Variants in NTNG1 observed in about 807,000 individuals in gnomAD.
NTNG1 encodes the protein netrin-G1.
NTNG1 carries 16 observed loss-of-function variants against 54.0 expected under a neutral mutation model. That is an observed-to-expected ratio of 0.30 (90% CI 0.20 to 0.45). The LOEUF (loss-of-function observed/expected upper bound fraction) is 0.45, where lower values mean the gene tolerates loss of function less well. NTNG1 is among the 20% of genes least tolerant of loss of function. The pLI, the probability that NTNG1 is intolerant of heterozygous loss-of-function variation, is 1.00. For missense variants in NTNG1, 530 were observed against 678.7 expected (o/e 0.78, Z 2.43); for synonymous variants, 255 against 263.1 (o/e 0.97, Z 0.30).
chr1:107,425,769 G>T (rs183959108), intron 5 of NTNG1, among the ~76,000 whole-genome samples: 116 of 152,064 alleles, frequency 7.6e-4, no homozygotes, highest in African/African-American at 2.6e-3. Context: ...GTTTCCCATG[G>T]AGCTTGATCT....
intron 2 of NTNG1, among the ~76,000 whole-genome samples, chr1:107,236,758 A>G (rs1163939820): frequency 2.0e-5 from 3 of 151,932 alleles, no homozygotes; most frequent in Non-Finnish European, 4.4e-5. Context: ...TCCCTGCCCA[A>G]TATTTTTTTT....
chr1:107,271,631 A>G (rs183864849), intron 2 of NTNG1, among the ~76,000 whole-genome samples: 5 of 152,322 alleles, frequency 3.3e-5, no homozygotes, highest in Admixed American at 2.6e-4. Flanking sequence ...TTTGCTGTAG[A>G]TGGATACTTC....
chr1:107,389,363 G>A lies in NTNG1; in HGVS notation c.888-5791G>A, dbSNP rs939601425. Among the ~76,000 whole-genome samples, 10 of 152,158 alleles carry A rather than the reference G, an allele frequency of 6.6e-5. No homozygotes were observed. In the South Asian group the frequency reaches 8.3e-4, roughly 13 times the overall value. On this transcript the variant is annotated intron_variant, in intron 3 of 7. Coordinates refer to ENST00000370068, the MANE Select transcript of NTNG1 (RefSeq NM_001113226.3). ...ATTAGTAATAGGCTATATGGACCTC[G>A]AGCTCACAGGAAATTCTGGCAGATA...
chr1:107,430,364 A>G (rs767271372), intron 5 of NTNG1, among the ~76,000 whole-genome samples: 1 of 152,138 alleles, frequency 6.6e-6, no homozygotes, highest in Non-Finnish European at 1.5e-5. Flanking sequence ...TTAAGGCTGA[A>G]AAGATGAAAA....
chr1:107,337,553 A>G (rs1349566670), intron 3 of NTNG1, among the ~76,000 whole-genome samples: 1 of 152,058 alleles, frequency 6.6e-6, no homozygotes, highest in Non-Finnish European at 1.5e-5. Flanking sequence ...TGGTTGCACA[A>G]CAATGTGAAA....
chr1:107,291,513 G>A (rs930429885), intron 2 of NTNG1, among the ~76,000 whole-genome samples: 1 of 152,140 alleles, frequency 6.6e-6, no homozygotes, highest in African/African-American at 2.4e-5. Flanking sequence ...AGACAAATAT[G>A]TATGTGTGTA....
chr1:107,365,540 A>G (rs1670545816), intron 3 of NTNG1, among the ~76,000 whole-genome samples: 1 of 152,228 alleles, frequency 6.6e-6, no homozygotes, highest in African/African-American at 2.4e-5. Flanking sequence ...ATTTTTATAT[A>G]TGCAATTTTA....
chr1:107,424,177 A>T (rs1167194535), intron 5 of NTNG1, among the ~76,000 whole-genome samples: 3 of 152,138 alleles, frequency 2.0e-5, no homozygotes, highest in Admixed American at 2.0e-4. Context: ...ATCTCAGATT[A>T]AATGGTCAGA....
chr1:107,334,025 G>T (rs1202002612), intron 3 of NTNG1: 1 of 151,896 alleles, frequency 6.6e-6, no homozygotes, highest in Non-Finnish European at 1.5e-5. Flanking sequence ...GGTGTATTTT[G>T]TAGATAAATA....
intron 3 of NTNG1, among the ~76,000 whole-genome samples, chr1:107,354,206 C>T (rs1669800819): frequency 6.6e-6 from 1 of 152,042 alleles, no homozygotes; most frequent in African/African-American, 2.4e-5. Context: ...CATGGTGGCT[C>T]ATGCCTGTAA....
At chr1:107,335,685 CATT>C (rs1668534450) in intron 3 of NTNG1, among the ~76,000 whole-genome samples, 1 of 151,502 alleles carries the variant, frequency 6.6e-6, no homozygotes, top group Admixed American at 6.6e-5. Flanking sequence ...TCATTTTACT[CATT>C]GTATCGTCAG....
chr1:107,336,867 A>G (rs1007647253), intron 3 of NTNG1, among the ~76,000 whole-genome samples: 1 of 152,048 alleles, frequency 6.6e-6, no homozygotes, highest in Non-Finnish European at 1.5e-5. Context: ...AACATAGGCA[A>G]AGATGCTCAA....
chr1:107,296,114 G>C (rs1275527538), intron 2 of NTNG1, among the ~76,000 whole-genome samples: 2 of 152,000 alleles, frequency 1.3e-5, no homozygotes, highest in Non-Finnish European at 2.9e-5. Flanking sequence ...AGCCTTTCAC[G>C]GATTTGACTA....
intron 2 of NTNG1, among the ~76,000 whole-genome samples, chr1:107,227,709 C>T (rs1303757124): frequency 6.6e-6 from 1 of 152,074 alleles, no homozygotes; most frequent in Non-Finnish European, 1.5e-5. Flanking sequence ...CATACACACA[C>T]ACACACACAG....
At chr1:107,411,781 C>T (rs1286935766) in intron 5 of NTNG1, among the ~76,000 whole-genome samples, 3 of 152,062 alleles carry the variant, frequency 2.0e-5, no homozygotes, top group African/African-American at 4.8e-5. Flanking sequence ...AGCTAAGGTC[C>T]CAGGTGAAAT....
Position 107,413,168 on chromosome 1 carries a change from A to ATT in NTNG1, c.1087+5469_1087+5470dup, listed in dbSNP as rs376659783. On this transcript the variant is annotated intron_variant, in intron 5 of 7. Transcript: ENST00000370068. ...TTTTGTTTTGTTCATTTTTTTTTTC[A>ATT]TTTTTTTTTTCTGAGATGGAGTCTC... 0.016 allele frequency among the ~76,000 whole-genome samples: 1,952 copies of ATT among 119,224 alleles called. 88 individuals are homozygous for ATT. In the East Asian group the frequency reaches 0.19, roughly 12 times the overall value. 78.2% of individuals were successfully genotyped at this position (119,224 alleles called of 152,430 possible).
chr1:107,326,760 A>C (rs1039789232), intron 3 of NTNG1, among the ~76,000 whole-genome samples: 12 of 152,104 alleles, frequency 7.9e-5, no homozygotes, highest in Non-Finnish European at 1.5e-4. Context: ...ACTTGTAAAT[A>C]AGGCAATCTT....
At chr1:107,407,009 T>C (rs954443550) in intron 4 of NTNG1, among the ~76,000 whole-genome samples, 1 of 152,144 alleles carries the variant, frequency 6.6e-6, no homozygotes, top group African/African-American at 2.4e-5. Flanking sequence ...TTCTCTACCT[T>C]AGCACAACTT....
chr1:107,279,938 G>C (rs1388924960), intron 2 of NTNG1, among the ~76,000 whole-genome samples: 1 of 151,972 alleles, frequency 6.6e-6, no homozygotes, highest in Non-Finnish European at 1.5e-5. Context: ...GCTGGGACTA[G>C]AGGTGCACAC....
Sources: gnomAD v4.1 joint callset for allele counts (sites outside exome capture counted in the v4.1 genomes callset) on GRCh38, gnomAD v4.1.1 for gene constraint, MANE v1.5 for transcripts, NCBI Gene and HGNC (gene_info 2026-07-23, HGNC 2026-07-21) for gene names.